The following CLIC4 variants were observed in gnomAD, a reference collection of about 807,000 sequenced individuals.
The protein encoded by CLIC4 is chloride intracellular channel protein 4.
CLIC4 carries 13 observed loss-of-function variants against 24.6 expected under a neutral mutation model. The ratio of observed to expected loss-of-function variants is 0.53; its 90% confidence interval spans 0.34 to 0.84. The LOEUF is 0.84. CLIC4 is among the 40% of genes least tolerant of loss of function. CLIC4 has a pLI of 0.01. For synonymous variants in CLIC4, 104 were observed against 111.3 expected (o/e 0.93, Z 0.41); for missense variants, 227 against 301.7 (o/e 0.75, Z 1.83).
In CLIC4 at chr1:24,842,640, C is replaced by A. The variant is rs1639955115; in HGVS notation, c.*1703C>A. 3 of 152,120 alleles carry A rather than the reference C, an allele frequency of 2.0e-5. No homozygotes were observed. Among genetic ancestry groups the A allele is most frequent in the African/African-American group, 7.2e-5 (3 of 41,522 alleles). The allele number at this position is 152,120 out of a possible 1,614,324, so 9.4% of individuals were successfully genotyped here. ...TGTATCCATTTGGCTCAGGAAGATT[C>A]TTTGCCTTACCTTTCTTAGAACTCT... On this transcript the variant is annotated 3_prime_UTR_variant, in exon 6 of 6. Coordinates refer to ENST00000374379, the MANE Select transcript of CLIC4 (RefSeq NM_013943.3).
At chr1:24,788,334 C>A (rs1258153361) in intron 1 of CLIC4, among the ~76,000 whole-genome samples, 1 of 152,200 alleles carries the variant, frequency 6.6e-6, no homozygotes, top group Non-Finnish European at 1.5e-5. Flanking sequence ...CAAAAAGAAA[C>A]CATGTACCCA....
rs1482409024 is a variant in CLIC4, at chr1:24,797,751, G to T, written c.82G>T (p.Asp28Tyr). 6.2e-7 allele frequency: 1 copy of T among 1,609,054 alleles called. No individual in the cohort carries two copies. Among genetic ancestry groups the T allele is most frequent in the Non-Finnish European group, 8.5e-7 (1 of 1,178,014 alleles). The part of the protein sequence containing the change: ...LIELFVKAGS[D>Y]GESIGNCPFS... ...TAATTCTGTTTTCCAGGCTGGCAGT[G>T]ATGGTGAAAGCATAGGAAACTGCCC... Residue 28 changes from aspartate to tyrosine, a missense_variant, in exon 2 of 6, where the codon GAT becomes TAT. Asp to Tyr is a radical substitution (Grantham distance 160, BLOSUM62 -3). Transcript: ENST00000374379.
intron 1 of CLIC4, among the ~76,000 whole-genome samples, chr1:24,792,503 T>G (rs1318964770): frequency 6.6e-6 from 1 of 152,168 alleles, no homozygotes; most frequent in African/African-American, 2.4e-5. Context: ...TTTCTATACT[T>G]TAAAAATTTT....
intron 1 of CLIC4, among the ~76,000 whole-genome samples, chr1:24,787,517 G>A (rs1233306420): frequency 6.6e-6 from 1 of 151,852 alleles, no homozygotes; most frequent in Non-Finnish European, 1.5e-5. Context: ...ACAGAGTTGT[G>A]CAACCATTAC....
chr1:24,802,056 T>C (rs946400983), intron 2 of CLIC4, among the ~76,000 whole-genome samples: 1 of 152,192 alleles, frequency 6.6e-6, no homozygotes, highest in Non-Finnish European at 1.5e-5. Context: ...ACACCCTTAC[T>C]GTGTCCTAAA....
intron 1 of CLIC4, among the ~76,000 whole-genome samples, chr1:24,781,397 C>G (rs1430491993): frequency 6.6e-6 from 1 of 151,630 alleles, no homozygotes; most frequent in African/African-American, 2.4e-5. Context: ...CCTCCTTGGC[C>G]TCCCACAATG....
chr1:24,815,817 T>C lies in CLIC4; in HGVS notation c.308+1598T>C, dbSNP rs370069468. 3.0e-4 allele frequency among the ~76,000 whole-genome samples: 46 copies of C among 152,360 alleles called. 2 individuals are homozygous for C. The South Asian group carries it at 9.3e-3, about 31-fold the overall frequency. ...CCTGAGAACATGCACCCCTGTTTGA[T>C]AGTGTTTTTACCCACAGTAGAACCT... is the stretch of plus-strand genomic sequence containing the variant. On this transcript the variant is annotated intron_variant, in intron 3 of 5. Transcript: ENST00000374379.
At chr1:24,793,793 T>TTTTTTG (rs1350911561) in intron 1 of CLIC4, among the ~76,000 whole-genome samples, 1 of 152,126 alleles carries the variant, frequency 6.6e-6, no homozygotes, top group Non-Finnish European at 1.5e-5. Context: ...TAAGCCCACT[T>TTTTTTG]TTTTTGTTTT....
intron 1 of CLIC4, among the ~76,000 whole-genome samples, chr1:24,778,396 C>T (rs151338111): frequency 5.3e-4 from 80 of 152,254 alleles, no homozygotes; most frequent in African/African-American, 1.8e-3. Flanking sequence ...AAATACACTA[C>T]TCAATACATA....
chr1:24,835,792 TAGGA>T (rs1639880458), intron 4 of CLIC4, among the ~76,000 whole-genome samples: 1 of 151,996 alleles, frequency 6.6e-6, no homozygotes, highest in Non-Finnish European at 1.5e-5. Context: ...ATGTAATCCA[TAGGA>T]AGGTAGGAGA....
chr1:24,787,138 C>G (rs1639277744), intron 1 of CLIC4, among the ~76,000 whole-genome samples: 1 of 152,108 alleles, frequency 6.6e-6, no homozygotes, highest in Admixed American at 6.6e-5. Context: ...GTTTCTCAGA[C>G]TGGTTTTCTA....
intron 1 of CLIC4, among the ~76,000 whole-genome samples, chr1:24,748,003 C>T (rs1393532818): frequency 1.4e-5 from 2 of 140,760 alleles, no homozygotes; most frequent in East Asian, 2.1e-4. Flanking sequence ...CCAGCCTGGG[C>T]GACAGAGTGA....
At chr1:24,829,047 A>G (rs1321293813) in intron 4 of CLIC4, among the ~76,000 whole-genome samples, 3 of 152,204 alleles carry the variant, frequency 2.0e-5, no homozygotes, top group Non-Finnish European at 4.4e-5. Context: ...ATTTAGTGCA[A>G]TCAAATGCCT....
intron 2 of CLIC4, among the ~76,000 whole-genome samples, chr1:24,802,941 T>C (rs751293913): frequency 6.6e-6 from 1 of 152,138 alleles, no homozygotes; most frequent in Non-Finnish European, 1.5e-5. Flanking sequence ...ACTCCTGGGC[T>C]CAAGCAGTCC....
At chr1:24,770,577 T>C (rs1196390557) in intron 1 of CLIC4, among the ~76,000 whole-genome samples, 1 of 152,216 alleles carries the variant, frequency 6.6e-6, no homozygotes, top group Non-Finnish European at 1.5e-5. Context: ...AAAAAAATTA[T>C]AAGGAATCTT....
At chr1:24,783,546 A>G (rs1639231086) in intron 1 of CLIC4, among the ~76,000 whole-genome samples, 3 of 152,202 alleles carry the variant, frequency 2.0e-5, no homozygotes, top group South Asian at 2.1e-4. Flanking sequence ...TACTAAAAAT[A>G]CAAGAAATTA....
At position 24,843,490 on chromosome 1, in the gene CLIC4, T is replaced by C. The variant is rs1377620934; in HGVS notation, c.*2553T>C. Reference sequence around the variant, plus strand: ...GTGAGGAGATTGGAGTCTGAATGGATCTGTTTTCCAAGAGATTCTGAGAAA... The same window carrying C: ...GTGAGGAGATTGGAGTCTGAATGGACCTGTTTTCCAAGAGATTCTGAGAAA... On this transcript the variant is annotated 3_prime_UTR_variant, in exon 6 of 6. Coordinates refer to ENST00000374379, the MANE Select transcript of CLIC4 (RefSeq NM_013943.3). 1 of 152,194 alleles carries C rather than the reference T, an allele frequency of 6.6e-6. No individual in the cohort carries two copies. The highest frequency in any genetic ancestry group is 1.5e-5 in the Non-Finnish European group (1 of 68,012). 9.4% of individuals were successfully genotyped at this position (152,194 alleles called of 1,614,324 possible).
chr1:24,798,784 TGCCTGCGATTGCA>T (rs1259003211), intron 2 of CLIC4, among the ~76,000 whole-genome samples: 1 of 147,352 alleles, frequency 6.8e-6, no homozygotes, highest in East Asian at 2.2e-4. Flanking sequence ...GCCTGCCGAG[TGCCTGCGATTGCA>T]GGCACGCGCC....
chr1:24,745,492 G>A lies in CLIC4; in HGVS notation c.-62G>A, dbSNP rs991325941. 89 of 1,477,336 alleles carry A rather than the reference G, an allele frequency of 6.0e-5. No individual in the cohort carries two copies. Among genetic ancestry groups the A allele is most frequent in the Non-Finnish European group, 6.0e-5 (66 of 1,090,944 alleles). The allele number at this position is 1,477,336 out of a possible 1,614,324, so 91.5% of individuals were successfully genotyped here. Reference sequence around the variant, plus strand: ...GGGAACCGGCAGCCGGAGCAGTCCCGGAGCAGAAGCAGCAGCAGCAGCAGC... The same window carrying A: ...GGGAACCGGCAGCCGGAGCAGTCCCAGAGCAGAAGCAGCAGCAGCAGCAGC... On this transcript the variant is annotated 5_prime_UTR_variant, in exon 1 of 6. Transcript: ENST00000374379.
Sources: gnomAD v4.1 joint callset for allele counts (sites outside exome capture counted in the v4.1 genomes callset) on GRCh38, gnomAD v4.1.1 for gene constraint, MANE v1.5 for transcripts, NCBI Gene and HGNC (gene_info 2026-07-23, HGNC 2026-07-21) for gene names.